The following EYS variants were observed in gnomAD, a reference collection of about 807,000 sequenced individuals.
EYS encodes EGF-like photoreceptor maintenance factor, also known as protein eyes shut homolog.
EYS carries 250 observed loss-of-function variants against 282.1 expected under a neutral mutation model. The ratio of observed to expected loss-of-function variants is 0.89; its 90% CI spans 0.80 to 0.98. The LOEUF is 0.98. EYS is among the 50% of genes least tolerant of loss of function. EYS has a pLI of 0.00. For missense variants in EYS, 4,016 were observed against 3,709.0 expected, an observed-to-expected ratio of 1.08 and a Z score of -2.15; for synonymous variants, 1,355 against 1,282.9, an observed-to-expected ratio of 1.06 and a Z score of -1.20.
intron 12 of EYS, among the ~76,000 whole-genome samples, chr6:65,294,239 T>A (rs760672807): frequency 6.7e-6 from 1 of 150,202 alleles, no homozygotes; most frequent in Admixed American, 6.6e-5. Flanking sequence ...TAACTCTGCA[T>A]CCCTGGGAAA....
chr6:64,000,610 T>G (rs1260945633), intron 33 of EYS, among the ~76,000 whole-genome samples: 1 of 152,182 alleles, frequency 6.6e-6, no homozygotes, highest in Non-Finnish European at 1.5e-5. Flanking sequence ...TTAAATAACT[T>G]AGTAATATTT....
At chr6:64,606,934 G>T (rs1162428541) in intron 24 of EYS, among the ~76,000 whole-genome samples, 2 of 152,034 alleles carry the variant, frequency 1.3e-5, no homozygotes, top group Non-Finnish European at 2.9e-5. Flanking sequence ...TCCCTGAGCT[G>T]CATGGAGAGC....
chr6:65,429,464 A>G (rs1259267445), intron 5 of EYS, among the ~76,000 whole-genome samples: 1 of 152,194 alleles, frequency 6.6e-6, no homozygotes, highest in Non-Finnish European at 1.5e-5. Context: ...TAACAGCTTC[A>G]TTTCTTATAG....
chr6:64,331,090 G>C (rs1331275283), intron 29 of EYS, among the ~76,000 whole-genome samples: 3 of 152,144 alleles, frequency 2.0e-5, no homozygotes, highest in Non-Finnish European at 2.9e-5. Flanking sequence ...GCTGAAGCCT[G>C]CCCTCTGCTG....
intron 18 of EYS, among the ~76,000 whole-genome samples, chr6:64,895,443 T>G (rs192925105): frequency 1.3e-5 from 2 of 152,332 alleles, no homozygotes; most frequent in East Asian, 1.9e-4. Flanking sequence ...CCAATCAAAA[T>G]TGCTTGTTTG....
intron 33 of EYS, among the ~76,000 whole-genome samples, chr6:64,046,836 G>GTA (rs1172149900): frequency 1.3e-5 from 2 of 152,150 alleles, no homozygotes; most frequent in Non-Finnish European, 2.9e-5. Context: ...TAGGAATGAG[G>GTA]TATAGTCTGT....
chr6:65,528,148 T>A (rs2127304963), intron 2 of EYS, among the ~76,000 whole-genome samples: 1 of 152,092 alleles, frequency 6.6e-6, no homozygotes, highest in African/African-American at 2.4e-5. Flanking sequence ...ATTGAGAAAA[T>A]AAAGGTGAAA....
At chr6:63,901,587 A>G (rs919525463) in intron 35 of EYS, among the ~76,000 whole-genome samples, 5 of 152,250 alleles carry the variant, frequency 3.3e-5, no homozygotes, top group Non-Finnish European at 7.3e-5. Flanking sequence ...GTCACTGTTG[A>G]AAGCTAAATC....
chr6:64,959,841 G>T (rs1267249272), intron 14 of EYS, among the ~76,000 whole-genome samples: 1 of 149,352 alleles, frequency 6.7e-6, no homozygotes, highest in Non-Finnish European at 1.5e-5. Context: ...TAAAGTTTCA[G>T]CTGCAAACAC....
chr6:64,561,611 C>T (rs1765396000), intron 26 of EYS, among the ~76,000 whole-genome samples: 1 of 151,920 alleles, frequency 6.6e-6, no homozygotes. Context: ...GGGAATACAG[C>T]AAACCAGGGA....
At chr6:64,746,658 AC>A (rs1188550314) in intron 22 of EYS, among the ~76,000 whole-genome samples, 1 of 152,134 alleles carries the variant, frequency 6.6e-6, no homozygotes, top group Non-Finnish European at 1.5e-5. Context: ...TCATGTTGAT[AC>A]CTCTTAAGCA....
At chr6:65,353,321 T>G (rs1294193185) in intron 9 of EYS, 137 bp downstream of exon 9, 2 of 718,572 alleles carry the variant, frequency 2.8e-6, no homozygotes, top group East Asian at 5.5e-5. Flanking sequence ...CATTAGAAAA[T>G]AAGAGTATTA....
chr6:63,767,230 C>T (rs974908317), intron 40 of EYS, among the ~76,000 whole-genome samples: 1 of 151,932 alleles, frequency 6.6e-6, no homozygotes, highest in Non-Finnish European at 1.5e-5. Context: ...AGTGCTAGCC[C>T]AAGCAATCAG....
At chr6:65,697,239 C>T (rs988679015) in intron 1 of EYS, among the ~76,000 whole-genome samples, 2 of 152,030 alleles carry the variant, frequency 1.3e-5, no homozygotes, top group African/African-American at 2.4e-5. Flanking sequence ...TATATCATAA[C>T]GAATAGCTAC....
At chr6:63,746,154 A>G (rs540181716) in intron 41 of EYS, among the ~76,000 whole-genome samples, 1 of 152,334 alleles carries the variant, frequency 6.6e-6, no homozygotes, top group African/African-American at 2.4e-5. Context: ...AATTTTGTCA[A>G]AGGCCTTTTC....
intron 24 of EYS, among the ~76,000 whole-genome samples, chr6:64,594,639 G>A (rs576810623): frequency 6.9e-5 from 10 of 145,144 alleles, no homozygotes; most frequent in Non-Finnish European, 1.0e-4. Flanking sequence ...GGAATTGAAC[G>A]ATGAGAACAC....
At chr6:64,328,063 C>T (rs112147481) in intron 29 of EYS, among the ~76,000 whole-genome samples, 5,295 of 152,228 alleles carry the variant, frequency 0.035, 220 homozygotes, top group African/African-American at 0.096. Context: ...GGGAGAATGG[C>T]TCTTAATTTA....
chr6:64,201,660 G>A (rs1460689642), intron 31 of EYS, among the ~76,000 whole-genome samples: 1 of 152,076 alleles, frequency 6.6e-6, no homozygotes, highest in Non-Finnish European at 1.5e-5. Context: ...CTATCTAAAA[G>A]ATATGCTTCA....
chr6:63,820,160 C>G (rs1771285050), intron 36 of EYS, among the ~76,000 whole-genome samples: 1 of 152,114 alleles, frequency 6.6e-6, no homozygotes, highest in South Asian at 2.1e-4. Context: ...ATTGCTCTTT[C>G]TAATTTTTGA....
Sources: allele counts gnomAD v4.1 joint callset (sites outside exome capture counted in the v4.1 genomes callset), GRCh38; gene constraint gnomAD v4.1.1; transcripts MANE v1.5; gene names NCBI Gene and HGNC (gene_info 2026-07-23, HGNC 2026-07-21).